The following CHST12 variants were observed in gnomAD, a reference collection of about 807,000 sequenced individuals.
The protein encoded by CHST12 is carbohydrate (chondroitin 4) sulfotransferase 12.
In CHST12, 23 loss-of-function variants were observed where a neutral mutation model predicts 27.9. The ratio of observed to expected loss-of-function variants is 0.82; its 90% CI spans 0.59 to 1.17. The LOEUF is 1.17. Ranked by LOEUF, CHST12 falls within the 50% of genes most tolerant of loss-of-function variation. The pLI is 0.00. For missense variants in CHST12, 682 were observed against 603.0 expected, an observed-to-expected ratio of 1.13 and a Z score of -1.37; for synonymous variants, 322 against 273.0, an observed-to-expected ratio of 1.18 and a Z score of -1.77.
chr7:2,415,375 A>AG (rs1271491759), intron 1 of CHST12, among the ~76,000 whole-genome samples: 1 of 152,030 alleles, frequency 6.6e-6, no homozygotes, highest in Non-Finnish European at 1.5e-5. Context: ...CAAAAAAAAA[A>AG]AAAAGTTTTA....
In CHST12 at chr7:2,433,284, C is replaced by G. The variant is rs149649742; in HGVS notation, c.645C>G (p.Thr215=). The G allele has an allele frequency of 6.2e-7, 1 of 1,612,080 alleles. No homozygotes were observed. Residue 215 remains threonine, a synonymous_variant, in exon 2 of 2, where the codon ACC becomes ACG. Coordinates refer to ENST00000618655, the MANE Select transcript of CHST12 (RefSeq NM_018641.5). This position sits in a 1 kb window ranked among gnomAD's most constrained non-coding sequence, Gnocchi z 6.1. ...TGCACAACGCCAGCGCGCACCTGAC[C>G]TTCAACAAGTTCTGGCGCCGCTACG... ...EHVHNASAHL[T]FNKFWRRYGK... is the part of the protein sequence containing the mutation.
At chr7:2,409,310 T>C (rs1459083067) in intron 1 of CHST12, among the ~76,000 whole-genome samples, 2 of 152,042 alleles carry the variant, frequency 1.3e-5, no homozygotes, top group East Asian at 3.9e-4. Flanking sequence ...TTAAAAGAAT[T>C]AGCTAAAAAG....
chr7:2,404,375 C>T (rs1781465727), intron 1 of CHST12, among the ~76,000 whole-genome samples: 1 of 152,136 alleles, frequency 6.6e-6, no homozygotes, highest in South Asian at 2.1e-4. Flanking sequence ...GCAGAGGCTC[C>T]GTCTGGCAGG....
chr7:2,418,388 G>T (rs1161632156), intron 1 of CHST12, among the ~76,000 whole-genome samples: 1 of 152,336 alleles, frequency 6.6e-6, no homozygotes, highest in East Asian at 1.9e-4. Flanking sequence ...GGCGGATGAT[G>T]CTTCTAGGTG....
chr7:2,414,135 A>G (rs547528960), intron 1 of CHST12, among the ~76,000 whole-genome samples: 1 of 152,126 alleles, frequency 6.6e-6, no homozygotes, highest in African/African-American at 2.4e-5. Flanking sequence ...CGTCTGTTCA[A>G]ATTTTTTGCT....
rs1782751490 is a variant in CHST12, at chr7:2,446,361, G to C, written c.*12477G>C. ...CCAGATTGGCAGAGGGGAGGAGAGA[G>C]GAAAAACCCAGGCTCTGAGGAAAAA... On this transcript the variant is annotated 3_prime_UTR_variant, in exon 2 of 2. Coordinates refer to ENST00000618655, the MANE Select transcript of CHST12 (RefSeq NM_018641.5). The C allele has an allele frequency of 1.3e-5, 2 of 152,722 alleles. No individual in the cohort carries two copies. Among genetic ancestry groups the C allele is most frequent in the Admixed American group, 1.3e-4 (2 of 15,282 alleles). 9.5% of individuals were successfully genotyped at this position (152,722 alleles called of 1,614,324 possible). A position where few individuals can be genotyped will look rare whatever the true frequency, so the allele number is the denominator to read the frequency against.
chr7:2,404,775 G>A (rs186823228), intron 1 of CHST12, among the ~76,000 whole-genome samples: 1 of 152,374 alleles, frequency 6.6e-6, no homozygotes, highest in East Asian at 1.9e-4. Context: ...TCCCTGCAAA[G>A]GAGTTTATGG....
chr7:2,416,990 G>A (rs952098104), intron 1 of CHST12, among the ~76,000 whole-genome samples: 1 of 152,202 alleles, frequency 6.6e-6, no homozygotes, highest in Non-Finnish European at 1.5e-5. Context: ...TGGTTGTTAA[G>A]CTTAACTTTC....
intron 1 of CHST12, among the ~76,000 whole-genome samples, chr7:2,408,803 C>T (rs1379665019): frequency 6.6e-6 from 1 of 152,114 alleles, no homozygotes; most frequent in Non-Finnish European, 1.5e-5. Flanking sequence ...ACAGGATTTC[C>T]CCCAGGTGAG....
At chr7:2,425,982 A>G (rs1782107837) in intron 1 of CHST12, among the ~76,000 whole-genome samples, 1 of 151,914 alleles carries the variant, frequency 6.6e-6, no homozygotes, top group Non-Finnish European at 1.5e-5. Context: ...GAAGGCAGTA[A>G]GCTGGAGGGA....
rs547726556 is a variant in CHST12 at position 2,435,013 on chromosome 7, C to T, written c.*1129C>T. On this transcript the variant is annotated 3_prime_UTR_variant, in exon 2 of 2. Transcript: ENST00000618655. ...GGAGGATCACTTGAGCCCAGGAGTTCAAGATCAGTTTGGACCACATAGCGA... is the reference window on the plus strand; with the variant it reads ...GGAGGATCACTTGAGCCCAGGAGTTTAAGATCAGTTTGGACCACATAGCGA... The T allele has an allele frequency of 6.6e-6, 1 of 152,258 alleles. No individual in the cohort carries two copies. The highest frequency in any genetic ancestry group is 1.9e-4 in the East Asian group (1 of 5,180). 9.4% of individuals were successfully genotyped at this position (152,258 alleles called of 1,614,324 possible).
intron 1 of CHST12, among the ~76,000 whole-genome samples, chr7:2,431,981 T>C (rs1290349113): frequency 6.6e-6 from 1 of 151,390 alleles, no homozygotes; most frequent in African/African-American, 2.4e-5. Context: ...CTGATCACAG[T>C]TATTCTTGTG....
intron 1 of CHST12, among the ~76,000 whole-genome samples, chr7:2,427,272 C>G (rs1782147869): frequency 1.3e-5 from 2 of 152,038 alleles, no homozygotes; most frequent in Non-Finnish European, 2.9e-5. Flanking sequence ...GCCGAGGTGG[C>G]CAGCTTGCTA....
chr7:2,404,909 G>C (rs890190169), intron 1 of CHST12, among the ~76,000 whole-genome samples: 3 of 152,188 alleles, frequency 2.0e-5, no homozygotes, highest in Admixed American at 2.0e-4. Context: ...CGGTAATAGC[G>C]TGGGCCTTGC....
rs1265864522 is a variant in CHST12 at position 2,445,693 on chromosome 7, T to G, written c.*11809T>G. 6.6e-6 allele frequency: 1 copy of G among 152,110 alleles called. No homozygotes were observed. Among genetic ancestry groups the G allele is most frequent in the Non-Finnish European group, 1.5e-5 (1 of 68,054 alleles). 9.4% of individuals were successfully genotyped at this position (152,110 alleles called of 1,614,324 possible). A position where few individuals can be genotyped will look rare whatever the true frequency, so the allele number is the denominator to read the frequency against. ...GATCTGCCCACGTTGGCCTCCAAAGTGCTAGGATTATAAGTGTGAGCCACC... is the reference window on the plus strand; with the variant it reads ...GATCTGCCCACGTTGGCCTCCAAAGGGCTAGGATTATAAGTGTGAGCCACC... On this transcript the variant is annotated 3_prime_UTR_variant, in exon 2 of 2. Transcript: ENST00000618655.
rs185402592 is a variant in CHST12, at chr7:2,413,981, G to A, written c.-78+10308G>A. ...TGACCTCAGGTGATCCACCCACCTC[G>A]GCCTCCCAAAGTGCTGGGATTACGG... On this transcript the variant is annotated intron_variant, in intron 1 of 1. Coordinates refer to ENST00000618655, the MANE Select transcript of CHST12 (RefSeq NM_018641.5). 5.2e-3 allele frequency among the ~76,000 whole-genome samples: 785 copies of A among 151,954 alleles called. 6 individuals carry two copies. Among genetic ancestry groups the A allele is most frequent in the African/African-American group, 0.017 (720 of 41,464 alleles).
chr7:2,411,798 C>A (rs532923421), intron 1 of CHST12, among the ~76,000 whole-genome samples: 1 of 152,140 alleles, frequency 6.6e-6, no homozygotes, highest in Non-Finnish European at 1.5e-5. Context: ...TGATTTAACT[C>A]TTAAGTCAGT....
chr7:2,428,927 C>T (rs1358722208), intron 1 of CHST12, among the ~76,000 whole-genome samples: 7 of 152,180 alleles, frequency 4.6e-5, no homozygotes, highest in Admixed American at 4.6e-4. Context: ...AGAGCCGTGG[C>T]AAGATGAGGG....
chr7:2,404,525 C>T (rs1781471025), intron 1 of CHST12, among the ~76,000 whole-genome samples: 1 of 152,248 alleles, frequency 6.6e-6, no homozygotes, highest in South Asian at 2.1e-4. Flanking sequence ...TTCCAGGACA[C>T]CAGGCCCTAC....
Sources: gnomAD v4.1 joint callset for allele counts (sites outside exome capture counted in the v4.1 genomes callset) on GRCh38, gnomAD v4.1.1 for gene constraint, Gnocchi (gnomAD v3.1) non-coding constraint, MANE v1.5 for transcripts, NCBI Gene and HGNC (gene_info 2026-07-23, HGNC 2026-07-21) for gene names.